Variants in CAMK2B observed in about 807,000 individuals in gnomAD.
The protein encoded by CAMK2B is calcium/calmodulin-dependent protein kinase type II subunit beta.
A neutral mutation model predicts 93.7 loss-of-function variants in CAMK2B; 27 were observed. The ratio of observed to expected loss-of-function variants is 0.29; its 90% CI spans 0.21 to 0.40. The LOEUF is 0.40. CAMK2B is among the 10% of genes least tolerant of loss of function. CAMK2B has a pLI of 1.00. For synonymous variants in CAMK2B, 374 were observed against 358.8 expected, an observed-to-expected ratio of 1.04 and a Z score of -0.48; for missense variants, 568 against 895.8, an observed-to-expected ratio of 0.63 and a Z score of 4.67.
At chr7:44,290,852 A>G (rs761532296) in intron 1 of CAMK2B, among the ~76,000 whole-genome samples, 2 of 152,206 alleles carry the variant, frequency 1.3e-5, no homozygotes, top group African/African-American at 2.4e-5. Context: ...TCACGTTCAC[A>G]GTAGATGGAA....
chr7:44,292,788 G>A (rs1322593104), intron 1 of CAMK2B, among the ~76,000 whole-genome samples: 2 of 152,230 alleles, frequency 1.3e-5, no homozygotes, highest in African/African-American at 4.8e-5. Context: ...GCCCCTTTCT[G>A]AAACCCTGTG....
Position 44,218,680 on chromosome 7 carries a change from C to T in CAMK2B, c.*845G>A, listed in dbSNP as rs1402968361. On this transcript the variant is annotated 3_prime_UTR_variant, in exon 24 of 24. Coordinates refer to ENST00000395749, the MANE Select transcript of CAMK2B (RefSeq NM_001220.5). ...TTGGAGCTGTAGCCAGCAGTGCTGT[C>T]TCTTGCTCGGCGAGAGGCCCAAAAC... 2 of 152,342 alleles carry T rather than the reference C, an allele frequency of 1.3e-5. No homozygotes were observed. The highest frequency in any genetic ancestry group is 4.8e-5 in the African/African-American group (2 of 41,456). The allele number at this position is 152,342 out of a possible 1,614,324, so 9.4% of individuals were successfully genotyped here. A position where few individuals can be genotyped will look rare whatever the true frequency, so the allele number is the denominator to read the frequency against.
intron 13 of CAMK2B, among the ~76,000 whole-genome samples, chr7:44,236,568 T>C (rs1044881405): frequency 1.3e-5 from 2 of 152,162 alleles, no homozygotes; most frequent in Non-Finnish European, 2.9e-5. Context: ...GACTGCCCAC[T>C]TCCCTATAGC....
chr7:44,280,387 T>C (rs2097092845), intron 2 of CAMK2B, among the ~76,000 whole-genome samples: 1 of 152,032 alleles, frequency 6.6e-6, no homozygotes, highest in South Asian at 2.1e-4. Flanking sequence ...CACGAGGTGG[T>C]GCTACCTCAC....
At chr7:44,321,810 C>T (rs758183108) in intron 1 of CAMK2B, among the ~76,000 whole-genome samples, 3 of 152,180 alleles carry the variant, frequency 2.0e-5, no homozygotes, top group Non-Finnish European at 2.9e-5. Flanking sequence ...ACCCAACAAA[C>T]GGTCGACACT....
chr7:44,241,044 C>CG (rs1302233040), intron 11 of CAMK2B, among the ~76,000 whole-genome samples: 1 of 152,212 alleles, frequency 6.6e-6, no homozygotes, highest in Non-Finnish European at 1.5e-5. Context: ...CTGGTCACCA[C>CG]GGCAGCTCCT....
intron 1 of CAMK2B, among the ~76,000 whole-genome samples, chr7:44,313,998 A>G (rs1039379659): frequency 6.6e-6 from 1 of 151,932 alleles, no homozygotes; most frequent in African/African-American, 2.4e-5. Flanking sequence ...GAGGCCGCCC[A>G]CCCTGAGCCA....
upstream of CAMK2B, chr7:44,325,862 C>G (rs1246002193): frequency 6.9e-6 from 1 of 145,470 alleles, no homozygotes; most frequent in Non-Finnish European, 1.5e-5. Flanking sequence ...CGCCCCCGCC[C>G]GCCCCCGCAC....
At position 44,243,487 on chromosome 7, in the gene CAMK2B, G is replaced by C; in HGVS notation, c.455C>G (p.Ala152Gly). 6.2e-7 allele frequency: 1 copy of C among 1,614,056 alleles called. No homozygotes were observed. Among genetic ancestry groups the C allele is most frequent in the Non-Finnish European group, 8.5e-7 (1 of 1,180,012 alleles). Residue 152 changes from alanine to glycine, a missense_variant, in exon 7 of 24, where the codon GCA (alanine) becomes GGA (glycine). Transcript: ENST00000395749. ...LLLASKCKGA[A>G]VKLADFGLAI... ...TAGGCCGAAGTCTGCCAGCTTCACT[G>C]CAGCCCCTTTGCACTTGCTGGCCAG...
At chr7:44,262,957 C>A in intron 3 of CAMK2B, 48 bp downstream of exon 3, 2 of 1,525,522 alleles carry the variant, frequency 1.3e-6, no homozygotes, top group Non-Finnish European at 1.8e-6. Flanking sequence ...GGCTGCTGTC[C>A]GGGAGAAGGT....
rs552264223 is a variant in CAMK2B, at chr7:44,220,806, C to G, written c.1673+20G>C. On this transcript the variant is annotated intron_variant, in intron 21 of 23. Coordinates refer to ENST00000395749, the MANE Select transcript of CAMK2B (RefSeq NM_001220.5). ...CACATCCTTGTCCTGCACAGCCCCCCCCCAGCCCCAGGGACTCACGCGTAG... is the reference window on the plus strand; with the variant it reads ...CACATCCTTGTCCTGCACAGCCCCCGCCCAGCCCCAGGGACTCACGCGTAG... 11 of 1,560,834 alleles carry G rather than the reference C, an allele frequency of 7.0e-6. No homozygotes were observed. The Admixed American group carries it at 9.5e-5, about 14-fold the overall frequency.
At chr7:44,230,848 C>G (rs945513119) in intron 17 of CAMK2B, among the ~76,000 whole-genome samples, 158 bp downstream of exon 17, 1 of 152,128 alleles carries the variant, frequency 6.6e-6, no homozygotes, top group African/African-American at 2.4e-5. Flanking sequence ...GACACCCAGG[C>G]TTGGAGCAGG....
intron 5 of CAMK2B, among the ~76,000 whole-genome samples, chr7:44,249,763 C>T (rs1269781993): frequency 6.6e-6 from 1 of 152,174 alleles, no homozygotes; most frequent in Non-Finnish European, 1.5e-5. Flanking sequence ...CCTTCCTCAT[C>T]GACCTTCTTT....
Position 44,262,701 on chromosome 7 carries a change from A to G in CAMK2B, c.220+304T>C, listed in dbSNP as rs763675551. Among the ~76,000 whole-genome samples, 5 of 152,266 alleles carry G rather than the reference A, an allele frequency of 3.3e-5. No individual in the cohort carries two copies. The South Asian group carries it at 1.0e-3, about 32-fold the overall frequency. On this transcript the variant is annotated intron_variant, in intron 3 of 23. Transcript: ENST00000395749. Reference sequence around the variant, plus strand: ...TTCCTCTGCACCAATGCCACCGACAAGACCCAAAGGACAGAGTGGGATGGG... The same window carrying G: ...TTCCTCTGCACCAATGCCACCGACAGGACCCAAAGGACAGAGTGGGATGGG...
At chr7:44,236,132 G>C (rs972182344) in intron 13 of CAMK2B, among the ~76,000 whole-genome samples, 1 of 152,226 alleles carries the variant, frequency 6.6e-6, no homozygotes, top group Admixed American at 6.5e-5. Flanking sequence ...GGGTGCTCCA[G>C]GTTGCCGTGG....
intron 2 of CAMK2B, chr7:44,267,920 CT>C (rs955451186): frequency 1.3e-5 from 2 of 152,238 alleles, no homozygotes; most frequent in African/African-American, 4.8e-5. Flanking sequence ...GCCCTGGGAG[CT>C]TTTCTAGGTG....
At chr7:44,243,183 A>G (rs1233805907) in intron 8 of CAMK2B, 67 bp downstream of exon 8, 23 of 1,209,362 alleles carry the variant, frequency 1.9e-5, no homozygotes, top group Non-Finnish European at 2.7e-5. Flanking sequence ...TGCACACTCC[A>G]GGATGTAGGT....
In CAMK2B at chr7:44,286,974, G is replaced by A. The variant is rs955466548; in HGVS notation, c.66-2749C>T. Among the ~76,000 whole-genome samples, 3 of 152,148 alleles carry A rather than the reference G, an allele frequency of 2.0e-5. No individual in the cohort carries two copies. Among genetic ancestry groups the A allele is most frequent in the African/African-American group, 7.2e-5 (3 of 41,430 alleles). On this transcript the variant is annotated intron_variant, in intron 1 of 23. Coordinates refer to ENST00000395749, the MANE Select transcript of CAMK2B (RefSeq NM_001220.5). The surrounding 1 kb of genome is among the most constrained non-coding windows in gnomAD (Gnocchi z 4.0). Reference sequence around the variant, plus strand: ...GAAGGGACCAGGGGTGCAGGGACCAGGGGTGCAGGGCCCGGGGGTGAAGAA... The same window carrying A: ...GAAGGGACCAGGGGTGCAGGGACCAAGGGTGCAGGGCCCGGGGGTGAAGAA...
chr7:44,246,879 C>A (rs1190996439), intron 6 of CAMK2B, among the ~76,000 whole-genome samples: 1 of 152,150 alleles, frequency 6.6e-6, no homozygotes, highest in African/African-American at 2.4e-5. Flanking sequence ...CATAAGCATG[C>A]ACACATGCCT....
Sources: gnomAD v4.1 joint callset for allele counts (sites outside exome capture counted in the v4.1 genomes callset) on GRCh38, gnomAD v4.1.1 for gene constraint, Gnocchi (gnomAD v3.1) non-coding constraint, MANE v1.5 for transcripts, NCBI Gene and HGNC (gene_info 2026-07-23, HGNC 2026-07-21) for gene names.